Variants in AHCYL2 observed in about 807,000 individuals in gnomAD.
AHCYL2 encodes the protein S-adenosylhomocysteine hydrolase-like protein 2.
In AHCYL2, 28 loss-of-function variants were observed where a neutral mutation model predicts 81.4. The observed-to-expected ratio is 0.34, with a 90% CI of 0.25 to 0.47. The LOEUF (loss-of-function observed/expected upper bound fraction) is 0.47, where lower values mean the gene tolerates loss of function less well. AHCYL2 is among the 20% of genes least tolerant of loss of function. The pLI, the probability that AHCYL2 is intolerant of heterozygous loss-of-function variation, is 1.00. For missense variants in AHCYL2, 551 were observed against 785.1 expected (o/e 0.70, Z 3.56); for synonymous variants, 272 against 290.2 (o/e 0.94, Z 0.64).
intron 1 of AHCYL2, among the ~76,000 whole-genome samples, chr7:129,320,838 G>C (rs1344539344): frequency 1.3e-5 from 2 of 152,090 alleles, no homozygotes; most frequent in African/African-American, 4.8e-5. Flanking sequence ...CTCTCGATTT[G>C]CTGATTCTGG....
chr7:129,361,382 GTACTTATATT>G (rs1270312330), intron 1 of AHCYL2, among the ~76,000 whole-genome samples: 1 of 152,124 alleles, frequency 6.6e-6, no homozygotes, highest in Non-Finnish European at 1.5e-5. Flanking sequence ...ATACTCCCAT[GTACTTATATT>G]ATCATTTCTC....
At chr7:129,255,118 G>A (rs956431170) in intron 1 of AHCYL2, among the ~76,000 whole-genome samples, 2 of 151,866 alleles carry the variant, frequency 1.3e-5, no homozygotes, top group Admixed American at 1.3e-4. Flanking sequence ...AAAATTAGCC[G>A]GGCATGGTGG....
chr7:129,283,029 G>C (rs187729714), intron 1 of AHCYL2, among the ~76,000 whole-genome samples: 138 of 152,260 alleles, frequency 9.1e-4, no homozygotes, highest in Non-Finnish European at 1.7e-3. Context: ...GTGCCAGTTA[G>C]TGTTCCCTCT....
intron 1 of AHCYL2, among the ~76,000 whole-genome samples, chr7:129,331,236 C>T (rs185499984): frequency 2.0e-4 from 31 of 152,150 alleles, no homozygotes; most frequent in Admixed American, 1.2e-3. Context: ...AAATATAAAT[C>T]GGTGCTTTTC....
In AHCYL2 at chr7:129,409,508, A is replaced by T; in HGVS notation, c.1328A>T (p.Glu443Val). 6.2e-7 allele frequency: 1 copy of T among 1,613,894 alleles called. No homozygotes were observed. Reference protein sequence around the residue: ...MDGFRLVKLNEVIRQVDIVIT... With the variant: ...MDGFRLVKLNVVIRQVDIVIT... Reference sequence around the variant, plus strand: ...GGATTTCGACTGGTGAAATTAAATGAGGTCATCCGACAAGTGGACATTGTT... The same window carrying T: ...GGATTTCGACTGGTGAAATTAAATGTGGTCATCCGACAAGTGGACATTGTT... Residue 443 changes from glutamate to valine, a missense_variant, in exon 11 of 17, where the codon GAG becomes GTG. By Grantham distance (121) the Glu-to-Val change is moderately radical (BLOSUM62 -2). Transcript: ENST00000325006.
intron 2 of AHCYL2, among the ~76,000 whole-genome samples, chr7:129,384,238 A>G (rs1484483495): frequency 6.7e-6 from 1 of 149,414 alleles, no homozygotes; most frequent in Non-Finnish European, 1.5e-5. Flanking sequence ...ATATGATAAT[A>G]TATATCATAT....
chr7:129,369,661 T>G (rs1794283607), intron 1 of AHCYL2, among the ~76,000 whole-genome samples: 1 of 151,540 alleles, frequency 6.6e-6, no homozygotes, highest in African/African-American at 2.4e-5. Context: ...CAAGTGATTC[T>G]CCTGTCTCAG....
intron 1 of AHCYL2, among the ~76,000 whole-genome samples, chr7:129,329,744 G>A (rs1281209122): frequency 2.0e-5 from 3 of 152,196 alleles, no homozygotes; most frequent in African/African-American, 7.2e-5. Context: ...ACTTTGTGTG[G>A]TTTTTGTGAA....
chr7:129,269,135 T>G (rs1795914709), intron 1 of AHCYL2, among the ~76,000 whole-genome samples: 1 of 149,550 alleles, frequency 6.7e-6, no homozygotes, highest in Non-Finnish European at 1.5e-5. Context: ...ATTCCTGTTT[T>G]TTTTTTTTTT....
At chr7:129,327,171 T>C (rs35506900) in intron 1 of AHCYL2, among the ~76,000 whole-genome samples, 3,763 of 152,220 alleles carry the variant, frequency 0.025, 80 homozygotes, top group Admixed American at 0.058. Flanking sequence ...GGGAGGTAGT[T>C]AGGTTTAAAT....
intron 1 of AHCYL2, among the ~76,000 whole-genome samples, chr7:129,366,596 T>C (rs559946230): frequency 1.4e-4 from 21 of 152,136 alleles, no homozygotes; most frequent in African/African-American, 5.1e-4. Context: ...AGCCTCAACA[T>C]GGCGAAACCC....
At chr7:129,317,987 A>G (rs999061657) in intron 1 of AHCYL2, among the ~76,000 whole-genome samples, 1 of 152,190 alleles carries the variant, frequency 6.6e-6, no homozygotes, top group Non-Finnish European at 1.5e-5. Flanking sequence ...TAATGACTTC[A>G]TTGTCTATAA....
intron 1 of AHCYL2, among the ~76,000 whole-genome samples, chr7:129,359,069 TA>T (rs1319434656): frequency 3.9e-5 from 6 of 152,198 alleles, no homozygotes; most frequent in East Asian, 1.9e-4. Flanking sequence ...ACAGCAACAT[TA>T]TTTTTTTATA....
intron 1 of AHCYL2, among the ~76,000 whole-genome samples, chr7:129,290,537 G>T (rs1011109161): frequency 3.3e-5 from 5 of 151,052 alleles, no homozygotes; most frequent in African/African-American, 1.2e-4. Context: ...GCATGACAGA[G>T]GAGCAAAGTC....
chr7:129,374,710 G>A (rs1037081243), intron 1 of AHCYL2, among the ~76,000 whole-genome samples: 2 of 151,722 alleles, frequency 1.3e-5, no homozygotes, highest in African/African-American at 4.8e-5. Context: ...GGGAGTCTGA[G>A]GTAGGACAAT....
At position 129,405,101 on chromosome 7, in the gene AHCYL2, T is replaced by TACC. The variant is rs1796238222; in HGVS notation, c.1032_1034dup (p.Tyr344_Gln345insHis). 6.3e-7 allele frequency: 1 copy of TACC among 1,598,598 alleles called. No homozygotes were observed. The highest frequency in any genetic ancestry group is 1.4e-5 in the African/African-American group (1 of 73,574). The stretch of plus-strand genomic sequence containing the variant: ...CTTGGCTTCCCTCATCCTCAGGCTG[T>TACC]ACCAACTGTCCAAAGCTGGGAAGCT... On this transcript the variant is annotated inframe_insertion, in exon 8 of 17. Coordinates refer to ENST00000325006, the MANE Select transcript of AHCYL2 (RefSeq NM_015328.4).
chr7:129,225,115 G>A lies in AHCYL2; in HGVS notation c.39G>A (p.Lys13=). The change falls in exon 1 of 17, where the codon AAG becomes AAA. Residue 13 remains lysine (K), a synonymous_variant. Coordinates refer to ENST00000325006, the MANE Select transcript of AHCYL2 (RefSeq NM_015328.4). The part of the protein sequence containing the change: ...VQVVSAAAAA[K]VPEVELKDLS... The stretch of plus-strand genomic sequence containing the variant: ...TTGTGTCAGCCGCGGCTGCCGCCAA[G>A]GTGCCTGAGGTGGAGCTGAAGGACC... The A allele has an allele frequency of 6.2e-7, 1 of 1,601,530 alleles. No homozygotes were observed. Among genetic ancestry groups the A allele is most frequent in the Non-Finnish European group, 8.5e-7 (1 of 1,175,280 alleles).
chr7:129,370,746 T>C (rs1425740992), intron 1 of AHCYL2, among the ~76,000 whole-genome samples: 1 of 152,210 alleles, frequency 6.6e-6, no homozygotes, highest in Non-Finnish European at 1.5e-5. Context: ...CTCTGCTCTG[T>C]TCTGTTTTTA....
At chr7:129,291,778 T>C (rs1251696988) in intron 1 of AHCYL2, among the ~76,000 whole-genome samples, 8 of 151,840 alleles carry the variant, frequency 5.3e-5, no homozygotes, top group Non-Finnish European at 1.5e-5. Flanking sequence ...ATTTTGTTTT[T>C]GTATTTTTAG....
Sources: gnomAD v4.1 joint callset for allele counts (sites outside exome capture counted in the v4.1 genomes callset) on GRCh38, gnomAD v4.1.1 for gene constraint, MANE v1.5 for transcripts, NCBI Gene and HGNC (gene_info 2026-07-23, HGNC 2026-07-21) for gene names.